The following IRAG1 variants were observed in gnomAD, a reference collection of about 807,000 sequenced individuals.
The protein encoded by IRAG1 is inositol 1,4,5-triphosphate receptor associated 1.
Under a neutral mutation model 106.2 loss-of-function variants are expected in IRAG1, and 62 were observed. The observed-to-expected ratio is 0.58, with a 90% CI of 0.48 to 0.72. IRAG1 has a LOEUF of 0.72. Ranked by LOEUF, IRAG1 falls within the 30% of genes least tolerant of loss-of-function variation. IRAG1 has a pLI of 0.00. For synonymous variants in IRAG1, 462 were observed against 443.9 expected (o/e 1.04, Z -0.51); for missense variants, 1,064 against 1,140.7 (o/e 0.93, Z 0.97).
intron 3 of IRAG1, among the ~76,000 whole-genome samples, chr11:10,633,101 G>A (rs1328708593): frequency 3.0e-5 from 4 of 134,514 alleles, no homozygotes; most frequent in African/African-American, 1.1e-4. Flanking sequence ...TTGAGACGGA[G>A]TCTCGCACTG....
rs531471045 is a variant in IRAG1, at chr11:10,601,502, G to A, written c.1876-443C>T. Among the ~76,000 whole-genome samples the A allele has an allele frequency of 2.6e-5, 4 of 152,318 alleles. No individual in the cohort carries two copies. In the South Asian group the frequency reaches 6.2e-4, roughly 24 times the overall value. On this transcript the variant is annotated intron_variant, in intron 14 of 20. Transcript: ENST00000423302. ...TTTATCCTCTGAATAAGAGTCCTCT[G>A]GAGAGTGAAGAAAGGCACGACGACA...
chr11:10,687,812 G>A lies in IRAG1; in HGVS notation c.67+5724C>T, dbSNP rs1337798696. On this transcript the variant is annotated intron_variant, in intron 1 of 20. Coordinates refer to ENST00000423302, the MANE Select transcript of IRAG1 (RefSeq NM_130385.4). The stretch of plus-strand genomic sequence containing the variant: ...AACAGACAGGGGCTAGAAATAATAA[G>A]ACCTAATGTATACCGAGTGCTAAGA... The A allele has an allele frequency of 3.1e-6, 4 of 1,288,592 alleles. No individual in the cohort carries two copies. In the African/African-American group the frequency reaches 6.1e-5, roughly 20 times the overall value. 79.8% of individuals were successfully genotyped at this position (1,288,592 alleles called of 1,614,324 possible). A position where few individuals can be genotyped will look rare whatever the true frequency, so the allele number is the denominator to read the frequency against.
chr11:10,630,420 G>A (rs576907695), intron 4 of IRAG1, among the ~76,000 whole-genome samples: 1 of 150,936 alleles, frequency 6.6e-6, no homozygotes, highest in East Asian at 2.0e-4. Flanking sequence ...GGCCCAGGCT[G>A]GAGTGCAGTG....
chr11:10,587,355 C>T (rs1852126223), intron 18 of IRAG1, among the ~76,000 whole-genome samples: 1 of 152,144 alleles, frequency 6.6e-6, no homozygotes, highest in African/African-American at 2.4e-5. Flanking sequence ...ATTTCCAAGT[C>T]ACCCCCACTG....
At chr11:10,620,615 T>G (rs913271662) in intron 10 of IRAG1, among the ~76,000 whole-genome samples, 33 of 152,128 alleles carry the variant, frequency 2.2e-4, no homozygotes, top group African/African-American at 7.5e-4. Flanking sequence ...AATAATAAAC[T>G]TAAAACAATG....
At chr11:10,600,082 T>C (rs1853810175) in intron 15 of IRAG1, 1 of 152,216 alleles carries the variant, frequency 6.6e-6, no homozygotes, top group Non-Finnish European at 1.5e-5. Flanking sequence ...TCCACACCTT[T>C]GTCCATGCTG....
intron 15 of IRAG1, among the ~76,000 whole-genome samples, chr11:10,598,875 T>C (rs1423717936): frequency 6.6e-6 from 1 of 152,230 alleles, no homozygotes; most frequent in Non-Finnish European, 1.5e-5. Context: ...AAATCAGGGA[T>C]ATTTTATTTA....
In IRAG1 at chr11:10,684,132, A is replaced by G. The variant is rs150470932; in HGVS notation, c.67+9404T>C. Among the ~76,000 whole-genome samples, 1,289 of 152,192 alleles carry G rather than the reference A, an allele frequency of 8.5e-3. 26 individuals carry two copies. Among genetic ancestry groups the G allele is most frequent in the African/African-American group, 0.03 (1,226 of 41,530 alleles). ...AGAAAAGGCTGGCAAACTATAAATC[A>G]TGCTGCTATAAAGACACATGCATAC... On this transcript the variant is annotated intron_variant, in intron 1 of 20. Coordinates refer to ENST00000423302, the MANE Select transcript of IRAG1 (RefSeq NM_130385.4).
At chr11:10,651,561 C>T (rs1417082323) in intron 2 of IRAG1, among the ~76,000 whole-genome samples, 1 of 152,182 alleles carries the variant, frequency 6.6e-6, no homozygotes, top group Non-Finnish European at 1.5e-5. Flanking sequence ...TTAAATTAAT[C>T]TGCTTTCATC....
chr11:10,614,046 T>G (rs57903840), intron 10 of IRAG1, among the ~76,000 whole-genome samples: 11,414 of 151,968 alleles, frequency 0.075, 1,115 homozygotes, highest in African/African-American at 0.22. Flanking sequence ...ATAGCCTAGG[T>G]CCTGCCAAAA....
chr11:10,620,547 T>G (rs557852032), intron 10 of IRAG1, among the ~76,000 whole-genome samples: 1 of 152,332 alleles, frequency 6.6e-6, no homozygotes, highest in South Asian at 2.1e-4. Context: ...TATTTTAACA[T>G]TTTAAGTTTG....
intron 1 of IRAG1, among the ~76,000 whole-genome samples, chr11:10,670,825 G>A (rs1860160630): frequency 6.6e-6 from 1 of 152,240 alleles, no homozygotes; most frequent in Non-Finnish European, 1.5e-5. Flanking sequence ...AGGACACAGA[G>A]AGAAGGTGGC....
intron 1 of IRAG1, among the ~76,000 whole-genome samples, chr11:10,688,984 G>C (rs1861862981): frequency 6.6e-6 from 1 of 152,282 alleles, no homozygotes; most frequent in Non-Finnish European, 1.5e-5. Flanking sequence ...TGTGAGGACT[G>C]AATGAGCGAC....
chr11:10,630,092 G>A (rs996688793), intron 4 of IRAG1: 12 of 155,218 alleles, frequency 7.7e-5, no homozygotes, highest in Admixed American at 7.3e-4. Flanking sequence ...GTGAATAAAA[G>A]AAGGAGACCA....
chr11:10,689,301 C>G (rs897955654), intron 1 of IRAG1, among the ~76,000 whole-genome samples: 1 of 152,160 alleles, frequency 6.6e-6, no homozygotes, highest in South Asian at 2.1e-4. Flanking sequence ...AATTTTAGCA[C>G]TGGAAGTCCT....
In IRAG1 at chr11:10,657,085, A is replaced by C. The variant is rs1413027887; in HGVS notation, c.68-4903T>G. 6.6e-6 allele frequency among the ~76,000 whole-genome samples: 1 copy of C among 152,212 alleles called. No homozygotes were observed. The highest frequency in any genetic ancestry group is 2.4e-5 in the African/African-American group (1 of 41,446). On this transcript the variant is annotated intron_variant, in intron 1 of 20. Transcript: ENST00000423302. The surrounding 1 kb of genome is among the most constrained non-coding windows in gnomAD (Gnocchi z 4.1). ...GGCCGGCCCTGCCTTGTAGGCTTCA[A>C]AGGCCTTACTGTATCCCAGAAAGTA...
intron 1 of IRAG1, among the ~76,000 whole-genome samples, chr11:10,656,896 G>A (rs1295034768): frequency 1.3e-5 from 2 of 152,086 alleles, no homozygotes; most frequent in South Asian, 2.1e-4. Context: ...GGGGAGGGCT[G>A]GAGTGAGTAC....
intron 10 of IRAG1, among the ~76,000 whole-genome samples, chr11:10,620,205 A>C (rs752927148): frequency 6.6e-6 from 1 of 152,210 alleles, no homozygotes; most frequent in Non-Finnish European, 1.5e-5. Flanking sequence ...ATATTATTAC[A>C]ACTGGGGAGA....
rs372532628 is a variant in IRAG1 at position 10,623,728 on chromosome 11, AC to A, written c.1447+49del. 3.0e-5 allele frequency: 46 copies of A among 1,544,508 alleles called. 1 individual carries two copies. In the African/African-American group the frequency reaches 3.5e-4, roughly 12 times the overall value. Reference sequence around the variant, plus strand: ...ACACATTCACCTTCCTTGATCTGGCACAGACAAATCAGCACTCGCTGAGACA... The same window carrying A: ...ACACATTCACCTTCCTTGATCTGGCAAGACAAATCAGCACTCGCTGAGACA... On this transcript the variant is annotated intron_variant, in intron 10 of 20. Transcript: ENST00000423302.
Sources: allele counts gnomAD v4.1 joint callset (sites outside exome capture counted in the v4.1 genomes callset), GRCh38; gene constraint gnomAD v4.1.1; non-coding constraint Gnocchi (gnomAD v3.1); transcripts MANE v1.5; gene names NCBI Gene and HGNC (gene_info 2026-07-23, HGNC 2026-07-21).